UPF2: variants seen among roughly 807,000 people sequenced by gnomAD.
UPF2 encodes the protein UPF2 regulator of nonsense mediated mRNA decay.
A neutral mutation model predicts 141.4 loss-of-function variants in UPF2; 17 were observed. The ratio of observed to expected loss-of-function variants is 0.12; its 90% confidence interval spans 0.08 to 0.18. The LOEUF (loss-of-function observed/expected upper bound fraction) is 0.18, where lower values mean the gene tolerates loss of function less well. UPF2 is among the 10% of genes least tolerant of loss of function. UPF2 has a pLI of 1.00. For missense variants in UPF2, 1,152 were observed against 1,515.9 expected, an observed-to-expected ratio of 0.76 and a Z score of 3.99; for synonymous variants, 540 against 498.0, an observed-to-expected ratio of 1.08 and a Z score of -1.12.
chr10:11,926,922 C>T (rs1033455929), intron 21 of UPF2, among the ~76,000 whole-genome samples: 13 of 152,350 alleles, frequency 8.5e-5, no homozygotes, highest in Non-Finnish European at 1.9e-4. Context: ...AAAGGCTTAC[C>T]TCTGTTCACA....
intron 21 of UPF2, among the ~76,000 whole-genome samples, chr10:11,926,539 C>T (rs1332798900): frequency 6.6e-6 from 1 of 152,192 alleles, no homozygotes; most frequent in Non-Finnish European, 1.5e-5. Flanking sequence ...GAAGGGAAAA[C>T]CCAGAAGCCA....
At chr10:11,938,853 GTTTTTTT>G (rs58106776) in intron 18 of UPF2, among the ~76,000 whole-genome samples, 2,955 of 79,848 alleles carry the variant, frequency 0.037, 170 homozygotes, top group African/African-American at 0.13. Context: ...TTTTTTTTTT[GTTTTTTT>G]TTTTTTTTTT....
chr10:11,944,548 A>T (rs1435219782), intron 16 of UPF2, among the ~76,000 whole-genome samples: 1 of 152,146 alleles, frequency 6.6e-6, no homozygotes, highest in Non-Finnish European at 1.5e-5. Context: ...CAAATGCATT[A>T]ATGTTTTCTG....
chr10:11,983,653 T>C (rs1213005834), intron 8 of UPF2, among the ~76,000 whole-genome samples: 7 of 152,210 alleles, frequency 4.6e-5, no homozygotes, highest in Admixed American at 2.6e-4. Context: ...ATTACAGGCA[T>C]GAGCCACCGT....
At chr10:11,955,882 C>T (rs570192115) in intron 13 of UPF2, among the ~76,000 whole-genome samples, 3 of 152,136 alleles carry the variant, frequency 2.0e-5, no homozygotes, top group Non-Finnish European at 4.4e-5. Context: ...GTAGCTCACG[C>T]CTGTAATCCC....
At chr10:11,947,358 A>T (rs1277586881) in intron 16 of UPF2, among the ~76,000 whole-genome samples, 1 of 152,236 alleles carries the variant, frequency 6.6e-6, no homozygotes, top group Non-Finnish European at 1.5e-5. Flanking sequence ...GTATATGTTG[A>T]ATTTCAGATT....
rs989982227 is a variant in UPF2 at position 12,019,239 on chromosome 10, A to T, written c.1146-5055T>A. ...ATTTGGTCTTTGCTGAAACTACTCA[A>T]CTCTGCTAACATAACACAAAAGCTG... On this transcript the variant is annotated intron_variant, in intron 3 of 21. Coordinates refer to ENST00000357604, the MANE Select transcript of UPF2 (RefSeq NM_015542.4). This position sits in a 1 kb window ranked among gnomAD's most constrained non-coding sequence, Gnocchi z 4.5. Among the ~76,000 whole-genome samples the T allele has an allele frequency of 2.6e-5, 4 of 152,188 alleles. No individual in the cohort carries two copies. Among genetic ancestry groups the T allele is most frequent in the Non-Finnish European group, 4.4e-5 (3 of 68,034 alleles).
At chr10:11,949,313 T>C (rs954399082) in intron 15 of UPF2, among the ~76,000 whole-genome samples, 23 of 152,248 alleles carry the variant, frequency 1.5e-4, no homozygotes, top group African/African-American at 5.5e-4. Context: ...TGCTTTGAAA[T>C]CTTGCTTGCC....
Position 11,936,001 on chromosome 10 carries a change from C to T in UPF2, c.3546+544G>A, listed in dbSNP as rs938615959. 3.9e-5 allele frequency among the ~76,000 whole-genome samples: 6 copies of T among 152,172 alleles called. No homozygotes were observed. The highest frequency in any genetic ancestry group is 2.1e-4 in the South Asian group (1 of 4,826). Reference sequence around the variant, plus strand: ...CGGTTGCCATCCTCCTTTCCTTCCCCGCCTGGGGCTTGCTTGTGGAAGTTT... The same window carrying T: ...CGGTTGCCATCCTCCTTTCCTTCCCTGCCTGGGGCTTGCTTGTGGAAGTTT... On this transcript the variant is annotated intron_variant, in intron 19 of 21. Transcript: ENST00000357604. This position sits in a 1 kb window ranked among gnomAD's most constrained non-coding sequence, Gnocchi z 6.6.
At chr10:12,027,798 T>C (rs1246617437) in intron 3 of UPF2, among the ~76,000 whole-genome samples, 4 of 152,172 alleles carry the variant, frequency 2.6e-5, no homozygotes, top group Admixed American at 6.6e-5. Context: ...CATCTTCTAG[T>C]GGTAACTACT....
At chr10:12,030,646 G>A (rs1437624860) in intron 2 of UPF2, among the ~76,000 whole-genome samples, 2 of 152,030 alleles carry the variant, frequency 1.3e-5, no homozygotes, top group Non-Finnish European at 2.9e-5. Context: ...CACTTTGGGA[G>A]GCCGAGGCAG....
Position 11,980,652 on chromosome 10 carries a change from G to C in UPF2, c.1845-1487C>G, listed in dbSNP as rs1833576650. On this transcript the variant is annotated intron_variant, in intron 8 of 21. Transcript: ENST00000357604. The surrounding 1 kb of genome is among the most constrained non-coding windows in gnomAD (Gnocchi z 4.2). The stretch of plus-strand genomic sequence containing the variant: ...GGAGACTGAGGCAGGAGAATCACTT[G>C]AACCCAGGAGGCAGAGGTTGCAGTG... 6.6e-6 allele frequency among the ~76,000 whole-genome samples: 1 copy of C among 152,006 alleles called. No homozygotes were observed. Among genetic ancestry groups the C allele is most frequent in the Admixed American group, 6.6e-5 (1 of 15,264 alleles).
intron 21 of UPF2, 49 bp downstream of exon 21, chr10:11,929,816 T>C (rs201659773): frequency 2.5e-6 from 4 of 1,596,020 alleles, no homozygotes; most frequent in Non-Finnish European, 3.4e-6. Flanking sequence ...TTTATTCTTA[T>C]GGACATCATG....
rs1389169483 is a variant in UPF2, at chr10:12,016,342, G to A, written c.1146-2158C>T. Among the ~76,000 whole-genome samples, 1 of 152,096 alleles carries A rather than the reference G, an allele frequency of 6.6e-6. No individual in the cohort carries two copies. Among genetic ancestry groups the A allele is most frequent in the African/African-American group, 2.4e-5 (1 of 41,420 alleles). ...AACTCCCAAAATGTTGGGATTACAG[G>A]TGTGAGCCACCACACTCGGCCAAAA... On this transcript the variant is annotated intron_variant, in intron 3 of 21. Transcript: ENST00000357604. The surrounding 1 kb of genome is among the most constrained non-coding windows in gnomAD (Gnocchi z 4.1).
chr10:11,942,476 A>G (rs552273879), intron 18 of UPF2, among the ~76,000 whole-genome samples, 189 bp downstream of exon 18: 1 of 152,296 alleles, frequency 6.6e-6, no homozygotes, highest in East Asian at 1.9e-4. Context: ...CACCGACTCT[A>G]CCTCATGCAA....
chr10:12,039,007 A>G (rs1028351075), intron 1 of UPF2, among the ~76,000 whole-genome samples: 1 of 152,132 alleles, frequency 6.6e-6, no homozygotes, highest in Non-Finnish European at 1.5e-5. Flanking sequence ...TGATTCTTAT[A>G]CATTTTCAAT....
intron 15 of UPF2, among the ~76,000 whole-genome samples, chr10:11,950,637 T>C (rs543692913): frequency 2.3e-4 from 35 of 152,360 alleles, no homozygotes; most frequent in African/African-American, 8.4e-4. Flanking sequence ...TCATGTCCAC[T>C]ATACAGAGAA....
intron 3 of UPF2, among the ~76,000 whole-genome samples, chr10:12,022,565 T>C (rs574105200): frequency 1.2e-4 from 18 of 152,312 alleles, no homozygotes; most frequent in African/African-American, 4.3e-4. Context: ...AGCAAAGTCA[T>C]TTAAACACAA....
At chr10:11,978,243 T>A (rs1465746485) in intron 9 of UPF2, among the ~76,000 whole-genome samples, 1 of 152,202 alleles carries the variant, frequency 6.6e-6, no homozygotes, top group Admixed American at 6.5e-5. Flanking sequence ...TGTGCGGACA[T>A]TTCCCGTTTT....
Sources: gnomAD v4.1 joint callset for allele counts (sites outside exome capture counted in the v4.1 genomes callset) on GRCh38, gnomAD v4.1.1 for gene constraint, Gnocchi (gnomAD v3.1) non-coding constraint, MANE v1.5 for transcripts, NCBI Gene and HGNC (gene_info 2026-07-23, HGNC 2026-07-21) for gene names.